OTUD7A: variants seen among roughly 807,000 people sequenced by gnomAD.
OTUD7A encodes OTU domain-containing protein 7A.
OTUD7A carries 12 observed loss-of-function variants against 65.7 expected under a neutral mutation model. That is an observed-to-expected ratio of 0.18 (90% CI 0.12 to 0.30). The LOEUF (loss-of-function observed/expected upper bound fraction) is 0.30, where lower values mean the gene tolerates loss of function less well. Among genes scored for constraint, OTUD7A ranks in the 10% least tolerant of loss-of-function variants. OTUD7A has a pLI of 1.00. For synonymous variants in OTUD7A, 641 were observed against 586.3 expected (o/e 1.09, Z -1.35); for missense variants, 1,148 against 1,304.8 (o/e 0.88, Z 1.85).
chr15:31,532,666 G>A (rs531501796), intron 5 of OTUD7A, among the ~76,000 whole-genome samples: 6 of 152,216 alleles, frequency 3.9e-5, no homozygotes, highest in Non-Finnish European at 5.9e-5. Flanking sequence ...GGTGGCTCAC[G>A]CCTGTAATCC....
chr15:31,779,123 T>A (rs1320016969), intron 1 of OTUD7A, among the ~76,000 whole-genome samples: 1 of 152,182 alleles, frequency 6.6e-6, no homozygotes, highest in African/African-American at 2.4e-5. Flanking sequence ...TCTGTAACAC[T>A]CTTCCAGAAT....
chr15:31,561,346 A>T (rs565759581), intron 4 of OTUD7A, among the ~76,000 whole-genome samples: 1 of 152,328 alleles, frequency 6.6e-6, no homozygotes, highest in Non-Finnish European at 1.5e-5. Flanking sequence ...ATCTTGCCAC[A>T]AACTACCATT....
chr15:31,738,659 T>C (rs1040738145), intron 1 of OTUD7A, among the ~76,000 whole-genome samples: 37 of 152,208 alleles, frequency 2.4e-4, no homozygotes, highest in African/African-American at 8.4e-4. Flanking sequence ...ATGCACACGC[T>C]GCTCCTCTGC....
intron 5 of OTUD7A, among the ~76,000 whole-genome samples, chr15:31,540,557 AT>A (rs753630801): frequency 2.6e-5 from 4 of 152,166 alleles, no homozygotes; most frequent in Non-Finnish European, 5.9e-5. Flanking sequence ...TCAGTGTTCA[AT>A]TCTTAAAAAT....
chr15:31,845,850 T>C (rs1054089443), intron 1 of OTUD7A, among the ~76,000 whole-genome samples: 3 of 152,184 alleles, frequency 2.0e-5, no homozygotes, highest in African/African-American at 4.8e-5. Flanking sequence ...CACAGACCCG[T>C]TGGGGGTTGG....
At chr15:31,682,463 C>T (rs1892740569) in intron 1 of OTUD7A, among the ~76,000 whole-genome samples, 1 of 152,156 alleles carries the variant, frequency 6.6e-6, no homozygotes, top group African/African-American at 2.4e-5. Flanking sequence ...AGAGGACTCG[C>T]ACACTTGATT....
At chr15:31,715,194 C>A (rs1429708139) in intron 1 of OTUD7A, among the ~76,000 whole-genome samples, 2 of 152,174 alleles carry the variant, frequency 1.3e-5, no homozygotes, top group African/African-American at 4.8e-5. Flanking sequence ...TGAAACCCAA[C>A]AATAGCTTCC....
intron 1 of OTUD7A, among the ~76,000 whole-genome samples, chr15:31,735,352 C>A (rs567228504): frequency 1.6e-3 from 245 of 152,090 alleles, no homozygotes; most frequent in African/African-American, 5.5e-3. Context: ...ATGGGGAAAC[C>A]CCATCTCTAC....
chr15:31,781,713 C>A lies in OTUD7A; in HGVS notation c.-100+88794G>T, dbSNP rs190235170. Among the ~76,000 whole-genome samples the A allele has an allele frequency of 2.0e-5, 3 of 152,304 alleles. No homozygotes were observed. The East Asian group carries it at 5.8e-4, about 29-fold the overall frequency. On this transcript the variant is annotated intron_variant, in intron 1 of 12. Coordinates refer to ENST00000307050, the MANE Select transcript of OTUD7A (RefSeq NM_001382637.1). Reference sequence around the variant, plus strand: ...CTCAGGGATGCCATCTCTGCTCGAGCCACACAAAGCCACTAATCTCACCCA... The same window carrying A: ...CTCAGGGATGCCATCTCTGCTCGAGACACACAAAGCCACTAATCTCACCCA...
chr15:31,723,821 A>G lies in OTUD7A; in HGVS notation c.-99-66744T>C, dbSNP rs530143490. On this transcript the variant is annotated intron_variant, in intron 1 of 12. Coordinates refer to ENST00000307050, the MANE Select transcript of OTUD7A (RefSeq NM_001382637.1). ...AAGTGGAGTTGCTGGGTCAAAATGG[A>G]ATTGCAAAATTTAGACAGAGACCGC... 3.3e-4 allele frequency among the ~76,000 whole-genome samples: 20 copies of G among 60,312 alleles called. No homozygotes were observed. In the East Asian group the frequency reaches 7.2e-3, roughly 22 times the overall value. The allele number at this position is 60,312 out of a possible 152,430, so 39.6% of individuals were successfully genotyped here.
chr15:31,836,291 C>T (rs1489973755), intron 1 of OTUD7A, among the ~76,000 whole-genome samples: 2 of 152,134 alleles, frequency 1.3e-5, no homozygotes, highest in Non-Finnish European at 2.9e-5. Context: ...TCACAATTAT[C>T]CCCAGGGCAG....
intron 1 of OTUD7A, among the ~76,000 whole-genome samples, chr15:31,717,062 T>A (rs1356689719): frequency 5.3e-5 from 8 of 152,202 alleles, no homozygotes; most frequent in Non-Finnish European, 1.2e-4. Context: ...TTTATCATTC[T>A]CTCCACATAC....
chr15:31,786,843 A>G (rs1895686942), intron 1 of OTUD7A, among the ~76,000 whole-genome samples: 1 of 152,112 alleles, frequency 6.6e-6, no homozygotes, highest in Admixed American at 6.5e-5. Context: ...CCCCGCAGTG[A>G]TATCACAGAC....
chr15:31,592,030 T>A (rs1889740504), intron 3 of OTUD7A, among the ~76,000 whole-genome samples: 2 of 152,112 alleles, frequency 1.3e-5, no homozygotes, highest in African/African-American at 4.8e-5. Context: ...AAATATGGTA[T>A]AAAAAATAAA....
intron 1 of OTUD7A, among the ~76,000 whole-genome samples, chr15:31,776,505 A>G (rs1895384409): frequency 6.6e-6 from 1 of 152,184 alleles, no homozygotes; most frequent in African/African-American, 2.4e-5. Flanking sequence ...CTTGGTAAGA[A>G]GTGGCAGCTG....
At chr15:31,518,182 G>GT (rs1177296109) in intron 8 of OTUD7A, among the ~76,000 whole-genome samples, 1 of 152,098 alleles carries the variant, frequency 6.6e-6, no homozygotes, top group Non-Finnish European at 1.5e-5. Context: ...CATAAAAAAA[G>GT]TAAGTGCAAG....
chr15:31,632,290 T>C (rs1320311384), intron 3 of OTUD7A, among the ~76,000 whole-genome samples: 1 of 152,218 alleles, frequency 6.6e-6, no homozygotes, highest in Non-Finnish European at 1.5e-5. Flanking sequence ...TTTCTGTTTG[T>C]TAGTTTTCCT....
chr15:31,558,902 G>A, intron 5 of OTUD7A, 67 bp downstream of exon 5: 1 of 1,525,288 alleles, frequency 6.6e-7, no homozygotes, highest in South Asian at 1.2e-5. Context: ...TGCTCATAGA[G>A]TAGGTTAGGC....
At chr15:31,715,439 G>A (rs1241980409) in intron 1 of OTUD7A, among the ~76,000 whole-genome samples, 2 of 151,702 alleles carry the variant, frequency 1.3e-5, no homozygotes, top group African/African-American at 4.8e-5. Flanking sequence ...TTTAGTTCAA[G>A]TGTCTGCTTC....
Sources: gnomAD v4.1 joint callset for allele counts (sites outside exome capture counted in the v4.1 genomes callset) on GRCh38, gnomAD v4.1.1 for gene constraint, MANE v1.5 for transcripts, NCBI Gene and HGNC (gene_info 2026-07-23, HGNC 2026-07-21) for gene names.